STMND1: variants seen among roughly 807,000 people sequenced by gnomAD.
STMND1 encodes stathmin domain containing 1.
STMND1 carries 17 observed loss-of-function variants against 23.0 expected under a neutral mutation model. That is an observed-to-expected ratio of 0.74 (90% confidence interval 0.51 to 1.11). The LOEUF (loss-of-function observed/expected upper bound fraction) is 1.11. STMND1 is among the 50% of genes least tolerant of loss of function. STMND1 has a pLI of 0.00. For missense variants in STMND1, 305 were observed against 329.1 expected (o/e 0.93, Z 0.57); for synonymous variants, 114 against 119.9 (o/e 0.95, Z 0.32).
intron 2 of STMND1, among the ~76,000 whole-genome samples, chr6:17,119,034 C>T (rs533883680): frequency 2.0e-4 from 30 of 152,262 alleles, no homozygotes; most frequent in Non-Finnish European, 4.1e-4. Flanking sequence ...CAAAAAATCA[C>T]TCCAATTCCT....
chr6:17,126,070 A>ATT lies in STMND1; in HGVS notation c.412-3015_412-3014dup, dbSNP rs1189845838. On this transcript the variant is annotated intron_variant, in intron 3 of 4. Coordinates refer to ENST00000536551, the MANE Select transcript of STMND1 (RefSeq NM_001190766.2). Reference sequence around the variant, plus strand: ...TATATATATATATATATATATATATATTTTTTTTTTTTTTTTTTTTTTTTT... The same window carrying ATT: ...TATATATATATATATATATATATATATTTTTTTTTTTTTTTTTTTTTTTTTTT... 4.0e-3 allele frequency among the ~76,000 whole-genome samples: 82 copies of ATT among 20,532 alleles called. 1 individual carries two copies. The highest frequency in any genetic ancestry group is 8.1e-3 in the East Asian group (3 of 372). The allele number at this position is 20,532 out of a possible 152,430, so 13.5% of individuals were successfully genotyped here.
At chr6:17,105,382 C>T (rs1436032154) in intron 1 of STMND1, among the ~76,000 whole-genome samples, 1 of 152,080 alleles carries the variant, frequency 6.6e-6, no homozygotes, top group Non-Finnish European at 1.5e-5. Flanking sequence ...GTGGTGGCTC[C>T]TGCCTGTAAT....
chr6:17,109,785 C>T (rs574802058), intron 1 of STMND1, among the ~76,000 whole-genome samples: 2 of 152,290 alleles, frequency 1.3e-5, no homozygotes, highest in Non-Finnish European at 2.9e-5. Context: ...GCAATAATTG[C>T]AACTGATCAC....
rs188789791 is a variant in STMND1, at chr6:17,102,648, G to A, written c.81+310G>A. On this transcript the variant is annotated intron_variant, in intron 1 of 4. Coordinates refer to ENST00000536551, the MANE Select transcript of STMND1 (RefSeq NM_001190766.2). The stretch of plus-strand genomic sequence containing the variant: ...GATTACGAAGGTGGTCACACCCCAG[G>A]GCACAGGCAAGGAATAACCGGATGA... Among the ~76,000 whole-genome samples the A allele has an allele frequency of 9.0e-3, 1,369 of 152,250 alleles. 9 individuals carry two copies. Among genetic ancestry groups the A allele is most frequent in the Non-Finnish European group, 0.016 (1,072 of 68,018 alleles).
intron 1 of STMND1, among the ~76,000 whole-genome samples, chr6:17,106,429 C>A (rs749831876): frequency 3.3e-5 from 5 of 152,178 alleles, no homozygotes; most frequent in Non-Finnish European, 5.9e-5. Context: ...CTTTCTTGAG[C>A]AAATGCATGT....
chr6:17,108,777 A>T, intron 1 of STMND1, among the ~76,000 whole-genome samples: 1 of 148,458 alleles, frequency 6.7e-6, no homozygotes, highest in African/African-American at 2.5e-5. Flanking sequence ...GCTCACTGCA[A>T]CCTCCGCCTC....
intron 1 of STMND1, among the ~76,000 whole-genome samples, chr6:17,104,776 T>C (rs922321337): frequency 2.6e-5 from 4 of 152,224 alleles, no homozygotes; most frequent in Admixed American, 2.6e-4. Flanking sequence ...AAACCCATGG[T>C]CAAGAGTATG....
At position 17,123,017 on chromosome 6, in the gene STMND1, G is replaced by A. The variant is rs1581373030; in HGVS notation, c.411+2259G>A. Among the ~76,000 whole-genome samples the A allele has an allele frequency of 4.6e-5, 7 of 152,272 alleles. No individual in the cohort carries two copies. In the South Asian group the frequency reaches 1.4e-3, roughly 32 times the overall value. ...GGCAGATAGATTGTGGAAACATTCA[G>A]TAGCTAAGCAATGTCTTCTTAAGGG... On this transcript the variant is annotated intron_variant, in intron 3 of 4. Coordinates refer to ENST00000536551, the MANE Select transcript of STMND1 (RefSeq NM_001190766.2).
At position 17,130,624 on chromosome 6, in the gene STMND1, C is replaced by T. The variant is rs753428788; in HGVS notation, c.574C>T (p.Arg192Trp). Residue 192 changes from arginine (R) to tryptophan (W), a missense_variant, in exon 5 of 5, where the codon CGG becomes TGG. By Grantham distance (101) the Arg-to-Trp change is moderately radical. Coordinates refer to ENST00000536551, the MANE Select transcript of STMND1 (RefSeq NM_001190766.2). ...AGAAGAAGAAATAAGAAAAAGGCTA[C>T]GGAGTGACCGACTTTTGCCTTCAGC... is the stretch of plus-strand genomic sequence containing the variant. ...TKEEEIRKRLRSDRLLPSANH... is the reference protein window; with the variant it reads ...TKEEEIRKRLWSDRLLPSANH... The T allele has an allele frequency of 1.9e-5, 29 of 1,534,198 alleles. No individual in the cohort carries two copies. The highest frequency in any genetic ancestry group is 9.6e-5 in the African/African-American group (7 of 72,930).
chr6:17,120,723 A>G lies in STMND1; in HGVS notation c.376A>G (p.Lys126Glu). 1 of 1,534,452 alleles carries G rather than the reference A, an allele frequency of 6.5e-7. No individual in the cohort carries two copies. The highest frequency in any genetic ancestry group is 8.7e-7 in the Non-Finnish European group (1 of 1,146,360). ...TCAAGGAATTATACAAAGCCACAGC[A>G]AAGTATTTAGAAATGGAGAATCATA... ...IVQGIIQSHSKVFRNGESYDV... is the reference protein window; with the variant it reads ...IVQGIIQSHSEVFRNGESYDV... Residue 126 changes from lysine to glutamate, a missense_variant, in exon 3 of 5, where the codon AAA becomes GAA. Transcript: ENST00000536551.
chr6:17,112,746 C>T (rs1761110334), intron 1 of STMND1, among the ~76,000 whole-genome samples: 1 of 152,090 alleles, frequency 6.6e-6, no homozygotes, highest in Admixed American at 6.5e-5. Flanking sequence ...CACTGTACTC[C>T]AGCCTGGGCG....
chr6:17,130,511 T>C, intron 4 of STMND1, 83 bp from the exon 5 acceptor site: 1 of 1,084,810 alleles, frequency 9.2e-7, no homozygotes, highest in South Asian at 1.8e-5. Flanking sequence ...AGAGAAGCCA[T>C]GAATGTTCAA....
chr6:17,106,842 A>C (rs1468243694), intron 1 of STMND1, among the ~76,000 whole-genome samples: 1 of 152,182 alleles, frequency 6.6e-6, no homozygotes, highest in Non-Finnish European at 1.5e-5. Flanking sequence ...CTTTTACTTT[A>C]GTTTATCGTG....
intron 1 of STMND1, among the ~76,000 whole-genome samples, chr6:17,103,027 C>A (rs1435509513): frequency 6.6e-6 from 1 of 152,074 alleles, no homozygotes; most frequent in African/African-American, 2.4e-5. Context: ...CAGAGCGAGA[C>A]CTAGAGGGAT....
intron 2 of STMND1, among the ~76,000 whole-genome samples, chr6:17,117,280 T>A (rs1026303850): frequency 6.6e-6 from 1 of 152,042 alleles, no homozygotes; most frequent in Non-Finnish European, 1.5e-5. Flanking sequence ...TATTGGTCAG[T>A]CTGGCCTCGA....
intron 3 of STMND1, among the ~76,000 whole-genome samples, chr6:17,122,400 G>A (rs1581372792): frequency 6.6e-6 from 1 of 152,116 alleles, no homozygotes; most frequent in East Asian, 1.9e-4. Context: ...AAAAGGAAAC[G>A]GTGGAAATAG....
intron 1 of STMND1, among the ~76,000 whole-genome samples, chr6:17,105,649 AAAAAT>A (rs1488069839): frequency 1.3e-5 from 2 of 150,182 alleles, no homozygotes; most frequent in Non-Finnish European, 3.0e-5. Context: ...CCCTGTCTCA[AAAAAT>A]AAAATAAAAT....
chr6:17,128,703 T>G (rs73378291), intron 3 of STMND1: 1 of 152,534 alleles, frequency 6.6e-6, no homozygotes, highest in East Asian at 1.9e-4. Context: ...TAGAATTTAC[T>G]TTATTCATTT....
chr6:17,110,889 G>A (rs1473548006), intron 1 of STMND1: 1 of 456,000 alleles, frequency 2.2e-6, no homozygotes, highest in Admixed American at 2.3e-5. Context: ...TGGTATGTGT[G>A]TCTTAGATGG....
Sources: allele counts gnomAD v4.1 joint callset (sites outside exome capture counted in the v4.1 genomes callset), GRCh38; gene constraint gnomAD v4.1.1; transcripts MANE v1.5; gene names NCBI Gene and HGNC (gene_info 2026-07-23, HGNC 2026-07-21).